Variants in RGL1 observed in about 807,000 individuals in gnomAD.
The protein encoded by RGL1 is ral guanine nucleotide dissociation stimulator like 1, also known as ral guanine nucleotide dissociation stimulator-like 1.
A neutral mutation model predicts 95.2 loss-of-function variants in RGL1; 24 were observed. That is an observed-to-expected ratio of 0.25 (90% confidence interval 0.18 to 0.35). The LOEUF (loss-of-function observed/expected upper bound fraction) is 0.35. Among genes scored for constraint, RGL1 ranks in the 10% least tolerant of loss-of-function variants. RGL1 has a pLI of 1.00. For synonymous variants in RGL1, 329 were observed against 344.9 expected, an observed-to-expected ratio of 0.95 and a Z score of 0.51; for missense variants, 715 against 936.3, an observed-to-expected ratio of 0.76 and a Z score of 3.08.
At chr1:183,902,646 A>C (rs1668095511) in intron 12 of RGL1, 46 bp downstream of exon 12, 3 of 1,573,586 alleles carry the variant, frequency 1.9e-6, no homozygotes, top group Non-Finnish European at 2.6e-6. Flanking sequence ...AGCATGAAAA[A>C]AATGAAAGAA....
intron 2 of RGL1, among the ~76,000 whole-genome samples, chr1:183,772,055 C>T (rs1659309189): frequency 6.6e-6 from 1 of 152,182 alleles, no homozygotes; most frequent in African/African-American, 2.4e-5. Flanking sequence ...GCCCAGCGGC[C>T]CAACTCCAGG....
chr1:183,640,209 C>T (rs1431232739), intron 1 of RGL1, among the ~76,000 whole-genome samples: 1 of 152,194 alleles, frequency 6.6e-6, no homozygotes, highest in Non-Finnish European at 1.5e-5. Flanking sequence ...GTTTTGGATA[C>T]TCAAAGTCAG....
At chr1:183,781,261 A>AT (rs1294478751) in intron 2 of RGL1, among the ~76,000 whole-genome samples, 1 of 152,030 alleles carries the variant, frequency 6.6e-6, no homozygotes, top group Non-Finnish European at 1.5e-5. Flanking sequence ...CACAGTAAAC[A>AT]TTTTTTTGGA....
intron 3 of RGL1, among the ~76,000 whole-genome samples, chr1:183,863,910 C>T (rs1310466256): frequency 1.3e-5 from 2 of 152,154 alleles, no homozygotes; most frequent in Non-Finnish European, 2.9e-5. Flanking sequence ...AGCCATTGCT[C>T]AGAAGATGCT....
intron 1 of RGL1, among the ~76,000 whole-genome samples, chr1:183,641,519 C>T (rs1649922100): frequency 1.3e-5 from 2 of 152,198 alleles, no homozygotes; most frequent in Non-Finnish European, 2.9e-5. Context: ...GATTCTCCCT[C>T]CTTGGTCTCC....
At chr1:183,707,730 A>C (rs1276698622) in intron 1 of RGL1, among the ~76,000 whole-genome samples, 1 of 151,770 alleles carries the variant, frequency 6.6e-6, no homozygotes, top group Non-Finnish European at 1.5e-5. Flanking sequence ...AGAAGTGAAT[A>C]CAGCTGACTG....
chr1:183,643,662 G>A (rs1398129914), intron 1 of RGL1, among the ~76,000 whole-genome samples: 4 of 151,788 alleles, frequency 2.6e-5, no homozygotes, highest in African/African-American at 9.7e-5. Flanking sequence ...TGTTGCCCAG[G>A]CTGGTCTTTA....
chr1:183,681,744 A>G (rs1373958265), intron 1 of RGL1, among the ~76,000 whole-genome samples: 1 of 152,202 alleles, frequency 6.6e-6, no homozygotes, highest in Non-Finnish European at 1.5e-5. Flanking sequence ...AGTTTCAGAC[A>G]GAATGATACC....
intron 2 of RGL1, among the ~76,000 whole-genome samples, chr1:183,778,050 T>C (rs1324767271): frequency 2.0e-5 from 3 of 152,222 alleles, no homozygotes; most frequent in African/African-American, 7.2e-5. Context: ...TTTTCTTTCC[T>C]CCAGCTCTGT....
chr1:183,637,783 T>C (rs908815326), intron 1 of RGL1, among the ~76,000 whole-genome samples: 3 of 152,172 alleles, frequency 2.0e-5, no homozygotes, highest in Non-Finnish European at 4.4e-5. Context: ...TAGGAATGCC[T>C]TAAGACAGCA....
At chr1:183,648,395 T>A (rs148292333) in intron 1 of RGL1, 1 of 1,614,082 alleles carries the variant, frequency 6.2e-7, no homozygotes, top group Non-Finnish European at 8.5e-7. Flanking sequence ...AGTGGTTAGC[T>A]TCATTACAAG....
chr1:183,717,751 T>C (rs927724659), intron 1 of RGL1, among the ~76,000 whole-genome samples: 3 of 152,122 alleles, frequency 2.0e-5, no homozygotes, highest in African/African-American at 7.2e-5. Flanking sequence ...AACAAGTAAA[T>C]TAGCAAAAGT....
intron 1 of RGL1, among the ~76,000 whole-genome samples, chr1:183,741,328 G>A (rs1324753144): frequency 6.6e-6 from 1 of 152,208 alleles, no homozygotes; most frequent in Non-Finnish European, 1.5e-5. Flanking sequence ...AGACTCTTCT[G>A]ATAATATGGG....
intron 7 of RGL1, among the ~76,000 whole-genome samples, chr1:183,885,986 A>G (rs1258126368): frequency 2.0e-5 from 3 of 152,178 alleles, no homozygotes; most frequent in Non-Finnish European, 4.4e-5. Flanking sequence ...TACATCAGCA[A>G]AATAATGATT....
intron 2 of RGL1, among the ~76,000 whole-genome samples, chr1:183,779,187 C>A (rs1311497946): frequency 6.9e-6 from 1 of 144,046 alleles, no homozygotes; most frequent in Non-Finnish European, 1.5e-5. Flanking sequence ...TTCCTTCCTT[C>A]CTTCCTTCCT....
chr1:183,647,320 C>T (rs1650363384), intron 1 of RGL1: 1 of 162,596 alleles, frequency 6.2e-6, no homozygotes, highest in Non-Finnish European at 1.3e-5. Flanking sequence ...TTTACCGAAA[C>T]AAATTTAGGT....
intron 4 of RGL1, among the ~76,000 whole-genome samples, chr1:183,877,429 G>A (rs1423280641): frequency 2.0e-5 from 3 of 152,016 alleles, no homozygotes; most frequent in Non-Finnish European, 4.4e-5. Flanking sequence ...TAAAAGTTTC[G>A]CATTTGTATC....
chr1:183,864,255 T>C lies in RGL1; in HGVS notation c.348-1741T>C, dbSNP rs546723118. Among the ~76,000 whole-genome samples, 5 of 152,306 alleles carry C rather than the reference T, an allele frequency of 3.3e-5. No homozygotes were observed. In the South Asian group the frequency reaches 1.0e-3, roughly 32 times the overall value. ...CCTTTCATAGCTTCCAGTTGAAAGA[T>C]AAAAAGATGTGATATTTCCACAATA... On this transcript the variant is annotated intron_variant, in intron 3 of 17. Coordinates refer to ENST00000360851, the MANE Select transcript of RGL1 (RefSeq NM_001297671.3).
At chr1:183,838,354 C>T (rs1188665233) in intron 2 of RGL1, among the ~76,000 whole-genome samples, 2 of 152,028 alleles carry the variant, frequency 1.3e-5, no homozygotes, top group African/African-American at 4.8e-5. Flanking sequence ...TGGACTCTAT[C>T]TAGGAAACCC....
Sources: gnomAD v4.1 joint callset for allele counts (sites outside exome capture counted in the v4.1 genomes callset) on GRCh38, gnomAD v4.1.1 for gene constraint, MANE v1.5 for transcripts, NCBI Gene and HGNC (gene_info 2026-07-23, HGNC 2026-07-21) for gene names.